Variants in LHFPL4 observed in about 807,000 individuals in gnomAD.
LHFPL4 encodes the protein LHFPL tetraspan subfamily member 4 protein.
LHFPL4 carries 6 observed loss-of-function variants against 20.0 expected under a neutral mutation model. The observed-to-expected ratio is 0.30, with a 90% confidence interval of 0.16 to 0.59. The LOEUF (loss-of-function observed/expected upper bound fraction) is 0.59, where lower values mean the gene tolerates loss of function less well. Ranked by LOEUF, LHFPL4 falls within the 20% of genes least tolerant of loss-of-function variation. The pLI, the probability that LHFPL4 is intolerant of heterozygous loss-of-function variation, is 0.88. For synonymous variants in LHFPL4, 129 were observed against 143.8 expected, an observed-to-expected ratio of 0.90 and a Z score of 0.74; for missense variants, 215 against 331.2, an observed-to-expected ratio of 0.65 and a Z score of 2.72.
chr3:9,553,150 G>T (rs2046568206), intron 1 of LHFPL4, among the ~76,000 whole-genome samples: 1 of 151,804 alleles, frequency 6.6e-6, no homozygotes, highest in Non-Finnish European at 1.5e-5. Flanking sequence ...AAGGGAATTT[G>T]GGGACTGGTA....
At chr3:9,535,668 C>A (rs1243506240) in intron 2 of LHFPL4, among the ~76,000 whole-genome samples, 1 of 152,206 alleles carries the variant, frequency 6.6e-6, no homozygotes, top group East Asian at 1.9e-4. Flanking sequence ...GACAGTCCCT[C>A]CTTCAATTTA....
chr3:9,520,586 C>T (rs897731403), intron 2 of LHFPL4, among the ~76,000 whole-genome samples: 4 of 151,982 alleles, frequency 2.6e-5, no homozygotes, highest in Non-Finnish European at 4.4e-5. Flanking sequence ...ACTCCTGATC[C>T]GCCTGCCTCG....
At chr3:9,534,552 A>C (rs1261245320) in intron 2 of LHFPL4, among the ~76,000 whole-genome samples, 1 of 152,224 alleles carries the variant, frequency 6.6e-6, no homozygotes, top group African/African-American at 2.4e-5. Flanking sequence ...GACACTGACA[A>C]CCTTGGCTCC....
rs200073702 is a variant in LHFPL4, at chr3:9,521,561, C to T, written c.407-15358G>A. Among the ~76,000 whole-genome samples the T allele has an allele frequency of 1.3e-4, 20 of 152,064 alleles. No individual in the cohort carries two copies. The East Asian group carries it at 3.3e-3, about 25-fold the overall frequency. On this transcript the variant is annotated intron_variant, in intron 2 of 3. Coordinates refer to ENST00000287585, the MANE Select transcript of LHFPL4 (RefSeq NM_198560.3). ...GACTACAGGGGCCCGCCACCACGCC[C>T]GGCTAATTTTTTTGTACTTTTTTAG...
intron 2 of LHFPL4, among the ~76,000 whole-genome samples, chr3:9,518,754 T>G (rs906673225): frequency 4.3e-4 from 65 of 150,346 alleles, no homozygotes; most frequent in African/African-American, 1.4e-3. Context: ...GATGTTTTTT[T>G]GTTCATTTCT....
chr3:9,552,700 GCGGCGGCGGCGGCTGGCGGGGGCCGC>G lies in LHFPL4; in HGVS notation c.-47_-22del, dbSNP rs762917264. The G allele has an allele frequency of 2.4e-6, 3 of 1,272,330 alleles. No homozygotes were observed. Among genetic ancestry groups the G allele is most frequent in the African/African-American group, 1.5e-5 (1 of 64,574 alleles). 78.8% of individuals were successfully genotyped at this position (1,272,330 alleles called of 1,614,324 possible). A position where few individuals can be genotyped will look rare whatever the true frequency, so the allele number is the denominator to read the frequency against. On this transcript the variant is annotated 5_prime_UTR_variant, in exon 2 of 4. Transcript: ENST00000287585. ...AGCATGGTGCCCGGAGGCGGGGCCG[GCGGCGGCGGCGGCTGGCGGGGGCCGC>G]CGGCCCGGGACGGAGCGCCGGGCTG...
intron 2 of LHFPL4, among the ~76,000 whole-genome samples, chr3:9,521,546 GC>G (rs1343047506): frequency 2.0e-5 from 3 of 151,784 alleles, no homozygotes; most frequent in Non-Finnish European, 4.4e-5. Flanking sequence ...GACTACAGGG[GC>G]CCGCCACCAC....
intron 2 of LHFPL4, among the ~76,000 whole-genome samples, chr3:9,549,439 T>TAA (rs2046538351): frequency 6.6e-6 from 1 of 152,220 alleles, no homozygotes; most frequent in Non-Finnish European, 1.5e-5. Context: ...CTCATGCCTG[T>TAA]AATCCCAGCA....
intron 2 of LHFPL4, among the ~76,000 whole-genome samples, chr3:9,535,750 T>C (rs2633776): frequency 3.5e-4 from 54 of 152,192 alleles, no homozygotes; most frequent in East Asian, 2.5e-3. Context: ...TCTGTCCACA[T>C]TGGGGCCACA....
intron 2 of LHFPL4, among the ~76,000 whole-genome samples, chr3:9,508,719 C>T (rs1422377312): frequency 6.6e-6 from 1 of 152,210 alleles, no homozygotes; most frequent in African/African-American, 2.4e-5. Context: ...TTGCCAGACC[C>T]TCCAGGACCC....
At chr3:9,531,732 G>A (rs1485062042) in intron 2 of LHFPL4, among the ~76,000 whole-genome samples, 1 of 152,042 alleles carries the variant, frequency 6.6e-6, no homozygotes, top group African/African-American at 2.4e-5. Flanking sequence ...ACCCGGGAAC[G>A]GGAGGCTGCA....
At position 9,505,982 on chromosome 3, in the gene LHFPL4, T is replaced by C; in HGVS notation, c.628A>G (p.Lys210Glu). The C allele has an allele frequency of 1.2e-6, 2 of 1,614,152 alleles. No individual in the cohort carries two copies. Among genetic ancestry groups the C allele is most frequent in the African/African-American group, 1.3e-5 (1 of 75,038 alleles). The change falls in exon 3 of 4, where the codon AAG becomes GAG. Residue 210 changes from lysine (K) to glutamate (E), a missense_variant. This residue lies in a region of LHFPL4 where 164 missense variants were observed against 286.7 expected (regional missense o/e 0.57). Coordinates refer to ENST00000287585, the MANE Select transcript of LHFPL4 (RefSeq NM_198560.3). ...GCACACTCGCCTTTGTTCTCCGGCT[T>C]GAGCTCCTCCTGCAGCAGGTCTGTT... ...RQTDLLQEEL[K>E]PENKDFVGST...
chr3:9,535,932 G>A (rs2046441632), intron 2 of LHFPL4, among the ~76,000 whole-genome samples: 1 of 152,150 alleles, frequency 6.6e-6, no homozygotes, highest in African/African-American at 2.4e-5. Flanking sequence ...CTCCTGAATA[G>A]CTGAGACTAC....
intron 2 of LHFPL4, among the ~76,000 whole-genome samples, chr3:9,548,432 G>T (rs1057261339): frequency 2.6e-5 from 4 of 152,024 alleles, no homozygotes; most frequent in African/African-American, 9.7e-5. Flanking sequence ...CCCCTATGTG[G>T]ATGCCACACT....
chr3:9,525,344 T>A (rs2046366401), intron 2 of LHFPL4, among the ~76,000 whole-genome samples: 1 of 152,214 alleles, frequency 6.6e-6, no homozygotes, highest in South Asian at 2.1e-4. Flanking sequence ...ACAATTCAGT[T>A]TTCCCTTGCC....
At chr3:9,530,812 G>C (rs1395433803) in intron 2 of LHFPL4, among the ~76,000 whole-genome samples, 4 of 151,964 alleles carry the variant, frequency 2.6e-5, no homozygotes, top group Admixed American at 2.6e-4. Context: ...GCCCAGGCTG[G>C]TCTTGAACTT....
At chr3:9,548,490 C>A (rs1027151097) in intron 2 of LHFPL4, among the ~76,000 whole-genome samples, 1 of 152,122 alleles carries the variant, frequency 6.6e-6, no homozygotes, top group African/African-American at 2.4e-5. Context: ...CCATGATCTT[C>A]CTCTCCATTC....
chr3:9,548,260 T>A (rs559271679), intron 2 of LHFPL4, among the ~76,000 whole-genome samples: 26 of 152,334 alleles, frequency 1.7e-4, no homozygotes, highest in South Asian at 8.3e-4. Flanking sequence ...ACAAGATTGT[T>A]GTGAGTATCA....
chr3:9,528,158 T>C (rs562834038), intron 2 of LHFPL4, among the ~76,000 whole-genome samples: 9 of 152,356 alleles, frequency 5.9e-5, no homozygotes, highest in Admixed American at 3.3e-4. Context: ...GATTGACTTT[T>C]CTTTCACAAA....
Sources: gnomAD v4.1 joint callset for allele counts (sites outside exome capture counted in the v4.1 genomes callset) on GRCh38, gnomAD v4.1.1 for gene constraint, gnomAD v4.1.1 regional missense constraint, MANE v1.5 for transcripts, NCBI Gene and HGNC (gene_info 2026-07-23, HGNC 2026-07-21) for gene names.